TENM3: variants seen among roughly 807,000 people sequenced by gnomAD.
TENM3 encodes the protein teneurin-3.
TENM3 carries 63 observed loss-of-function variants against 255.1 expected under a neutral mutation model. That is an observed-to-expected ratio of 0.25 (90% confidence interval 0.20 to 0.30). TENM3 has a LOEUF of 0.30. Ranked by LOEUF, TENM3 falls within the 10% of genes least tolerant of loss-of-function variation. The probability of loss-of-function intolerance (pLI) is 1.00; values close to 1 mark genes in which losing one functional copy is unlikely to be tolerated. For synonymous variants in TENM3, 1,306 were observed against 1,322.3 expected (o/e 0.99, Z 0.27); for missense variants, 2,929 against 3,461.1 (o/e 0.85, Z 3.86).
the TENM3 span, among the ~76,000 whole-genome samples, chr4:181,997,504 G>T: frequency 6.6e-6 from 1 of 152,100 alleles, no homozygotes; most frequent in Non-Finnish European, 1.5e-5. Flanking sequence ...TAGTTGTGTG[G>T]CTCTCTGTTA....
At chr4:182,780,839 C>A (rs59053354) in intron 24 of TENM3, among the ~76,000 whole-genome samples, 9,899 of 147,260 alleles carry the variant, frequency 0.067, 1,283 homozygotes, top group African/African-American at 0.25. Flanking sequence ...GAGTTCACTC[C>A]TGATTTGGCT....
chr4:182,235,284 G>A (rs1236488869), intron 1 of TENM3, among the ~76,000 whole-genome samples: 1 of 152,116 alleles, frequency 6.6e-6, no homozygotes, highest in Non-Finnish European at 1.5e-5. Flanking sequence ...AATATTAATA[G>A]GTTAAAAATG....
At chr4:182,692,272 C>T (rs955200865) in intron 12 of TENM3, among the ~76,000 whole-genome samples, 7 of 152,194 alleles carry the variant, frequency 4.6e-5, no homozygotes, top group African/African-American at 1.7e-4. Context: ...CTCTGCTGAA[C>T]AGATGGTTAT....
At chr4:182,225,256 T>C (rs1189707187) in intron 1 of TENM3, among the ~76,000 whole-genome samples, 1 of 152,152 alleles carries the variant, frequency 6.6e-6, no homozygotes, top group Non-Finnish European at 1.5e-5. Context: ...TCAGGATATA[T>C]CTAGCAGTTA....
chr4:182,733,641 C>T (rs1227956873), intron 16 of TENM3, among the ~76,000 whole-genome samples: 1 of 151,964 alleles, frequency 6.6e-6, no homozygotes, highest in Non-Finnish European at 1.5e-5. Context: ...ATAGAGACTA[C>T]AAGAGGTGAG....
chr4:182,576,178 A>G (rs576286400), intron 3 of TENM3, among the ~76,000 whole-genome samples: 1 of 152,260 alleles, frequency 6.6e-6, no homozygotes, highest in African/African-American at 2.4e-5. Flanking sequence ...CATCAGGTTC[A>G]GTTCCCTAGC....
At chr4:182,634,093 A>G (rs1285821762) in intron 5 of TENM3, among the ~76,000 whole-genome samples, 1 of 152,202 alleles carries the variant, frequency 6.6e-6, no homozygotes, top group Non-Finnish European at 1.5e-5. Context: ...TGAGTAGCAC[A>G]GGTCTAGGAA....
At chr4:182,026,854 G>A in the TENM3 span, among the ~76,000 whole-genome samples, 1 of 152,016 alleles carries the variant, frequency 6.6e-6, no homozygotes, top group Non-Finnish European at 1.5e-5. Context: ...TGCTGTTTTG[G>A]TTACTATAAC....
At chr4:181,744,594 A>T in the TENM3 span, among the ~76,000 whole-genome samples, 1 of 152,318 alleles carries the variant, frequency 6.6e-6, no homozygotes, top group Non-Finnish European at 1.5e-5. Context: ...AAAACAGACT[A>T]AACAAGAGAA....
At chr4:182,401,767 C>A (rs569049077) in intron 3 of TENM3, among the ~76,000 whole-genome samples, 3 of 152,280 alleles carry the variant, frequency 2.0e-5, no homozygotes, top group African/African-American at 7.2e-5. Flanking sequence ...GTTTGTTTCT[C>A]TGATATTTTG....
chr4:181,485,682 TAAAG>T, the TENM3 span, among the ~76,000 whole-genome samples: 1 of 152,236 alleles, frequency 6.6e-6, no homozygotes, highest in Middle Eastern at 3.4e-3. Flanking sequence ...CACATAGAAA[TAAAG>T]AACACAGTTA....
the TENM3 span, among the ~76,000 whole-genome samples, chr4:181,578,075 T>G: frequency 3.9e-5 from 6 of 152,010 alleles, no homozygotes; most frequent in African/African-American, 1.4e-4. Flanking sequence ...CCAGGGACCC[T>G]CCAGCTCCCT....
chr4:182,789,527 C>A lies in TENM3; in HGVS notation c.5601+138C>A. The A allele has an allele frequency of 1.2e-6, 1 of 828,110 alleles. No homozygotes were observed. The highest frequency in any genetic ancestry group is 1.9e-6 in the Non-Finnish European group (1 of 537,762). The allele number at this position is 828,110 out of a possible 1,614,324, so 51.3% of individuals were successfully genotyped here. ...TTATTCGAAGTATCAATACGGAAGT[C>A]ACATTGGCACAGCAGTGATGAATTT... On this transcript the variant is annotated intron_variant, in intron 25 of 27. Coordinates refer to ENST00000511685, the MANE Select transcript of TENM3 (RefSeq NM_001080477.4). The surrounding 1 kb of genome is among the most constrained non-coding windows in gnomAD (Gnocchi z 4.4).
At chr4:182,277,346 G>C (rs1018796017) in intron 1 of TENM3, among the ~76,000 whole-genome samples, 12 of 151,706 alleles carry the variant, frequency 7.9e-5, no homozygotes, top group African/African-American at 2.4e-4. Context: ...GGTAGAGTTG[G>C]GGGGTGGGGG....
At chr4:182,642,892 G>C (rs1476203853) in intron 5 of TENM3, among the ~76,000 whole-genome samples, 1 of 152,142 alleles carries the variant, frequency 6.6e-6, no homozygotes, top group Non-Finnish European at 1.5e-5. Context: ...GCATGCTATA[G>C]AGTGTTGAAA....
chr4:181,604,067 A>G, the TENM3 span, among the ~76,000 whole-genome samples: 1 of 152,176 alleles, frequency 6.6e-6, no homozygotes, highest in Non-Finnish European at 1.5e-5. Flanking sequence ...CATCGAGACC[A>G]TCCTGGTTAA....
At chr4:181,719,670 T>A in the TENM3 span, among the ~76,000 whole-genome samples, 1 of 152,172 alleles carries the variant, frequency 6.6e-6, no homozygotes, top group African/African-American at 2.4e-5. Context: ...AGGGTTAAGG[T>A]TAAAACATAT....
the TENM3 span, among the ~76,000 whole-genome samples, chr4:181,508,030 G>A: frequency 2.0e-5 from 3 of 152,218 alleles, no homozygotes; most frequent in African/African-American, 7.2e-5. Flanking sequence ...CAAATGAAAG[G>A]AAAAGCTTTA....
At chr4:182,675,062 CAT>C (rs1375306807) in intron 7 of TENM3, among the ~76,000 whole-genome samples, 3 of 151,340 alleles carry the variant, frequency 2.0e-5, no homozygotes, top group African/African-American at 7.3e-5. Flanking sequence ...TTTTAGTAGA[CAT>C]AGGTTTTCTC....
Sources: allele counts gnomAD v4.1 joint callset (sites outside exome capture counted in the v4.1 genomes callset), GRCh38; gene constraint gnomAD v4.1.1; non-coding constraint Gnocchi (gnomAD v3.1); transcripts MANE v1.5; gene names NCBI Gene and HGNC (gene_info 2026-07-23, HGNC 2026-07-21).